ST7: variants seen among roughly 807,000 people sequenced by gnomAD.
ST7 encodes the protein suppression of tumorigenicity 7, also known as suppressor of tumorigenicity 7 protein.
Under a neutral mutation model 78.7 loss-of-function variants are expected in ST7, and 28 were observed. The ratio of observed to expected loss-of-function variants is 0.36; its 90% CI spans 0.26 to 0.49. The LOEUF is 0.49. Among genes scored for constraint, ST7 ranks in the 20% least tolerant of loss-of-function variants. The pLI is 0.99. For synonymous variants in ST7, 247 were observed against 249.6 expected, an observed-to-expected ratio of 0.99 and a Z score of 0.10; for missense variants, 418 against 696.0, an observed-to-expected ratio of 0.60 and a Z score of 4.49.
chr7:117,189,233 A>C, intron 10 of ST7, 88 bp from the exon 11 acceptor site: 1 of 837,914 alleles, frequency 1.2e-6, no homozygotes, highest in East Asian at 2.7e-5. Context: ...TATTGCACTT[A>C]AACGTGATTA....
At chr7:117,005,274 G>A (rs1045146362) in intron 1 of ST7, among the ~76,000 whole-genome samples, 1 of 151,712 alleles carries the variant, frequency 6.6e-6, no homozygotes, top group Non-Finnish European at 1.5e-5. Flanking sequence ...CTTGTGACTT[G>A]TGAGAACAAA....
intron 1 of ST7, chr7:116,954,070 C>A (rs1224321624): frequency 6.6e-6 from 1 of 151,866 alleles, no homozygotes; most frequent in East Asian, 1.9e-4. Context: ...CCGAGGGTTC[C>A]CCGGAGTTAG....
At chr7:117,099,220 C>T (rs745375436) in intron 1 of ST7, among the ~76,000 whole-genome samples, 1 of 151,958 alleles carries the variant, frequency 6.6e-6, no homozygotes, top group Non-Finnish European at 1.5e-5. Context: ...CATACACTGG[C>T]CAAAACCACA....
At chr7:116,983,322 A>G (rs1794043100) in intron 1 of ST7, among the ~76,000 whole-genome samples, 1 of 152,186 alleles carries the variant, frequency 6.6e-6, no homozygotes, top group Non-Finnish European at 1.5e-5. Context: ...TTTCCTGAAA[A>G]TCAGAAATGT....
chr7:117,085,745 A>C (rs917523225), intron 1 of ST7, among the ~76,000 whole-genome samples: 1 of 152,144 alleles, frequency 6.6e-6, no homozygotes, highest in Non-Finnish European at 1.5e-5. Flanking sequence ...CCCGATTTTT[A>C]TGTAGAAAGT....
intron 1 of ST7, among the ~76,000 whole-genome samples, chr7:117,026,884 G>A (rs1435149227): frequency 2.0e-5 from 3 of 152,294 alleles, no homozygotes; most frequent in African/African-American, 7.2e-5. Context: ...TTGTATGATG[G>A]GAATATTTTA....
chr7:117,065,575 G>A (rs1364734275), intron 1 of ST7, among the ~76,000 whole-genome samples: 2 of 152,140 alleles, frequency 1.3e-5, no homozygotes, highest in African/African-American at 4.8e-5. Context: ...AGTGCAGGCT[G>A]CATATATAGA....
intron 1 of ST7, among the ~76,000 whole-genome samples, chr7:117,047,260 A>G (rs770818149): frequency 1.1e-4 from 17 of 152,194 alleles, no homozygotes; most frequent in African/African-American, 2.4e-5. Context: ...TATAAGTTGA[A>G]AATGTTAAAC....
intron 1 of ST7, among the ~76,000 whole-genome samples, chr7:117,087,951 C>T (rs1379161211): frequency 1.3e-5 from 2 of 152,210 alleles, no homozygotes; most frequent in African/African-American, 4.8e-5. Context: ...TGTCACATCT[C>T]TGGTTATGAA....
At chr7:117,189,251 A>C in intron 10 of ST7, 70 bp from the exon 11 acceptor site, 1 of 991,382 alleles carries the variant, frequency 1.0e-6, no homozygotes, top group East Asian at 2.5e-5. Flanking sequence ...TTAAAATGCT[A>C]GTGTATTGAA....
At chr7:117,046,930 T>A (rs891081590) in intron 1 of ST7, among the ~76,000 whole-genome samples, 2 of 152,204 alleles carry the variant, frequency 1.3e-5, no homozygotes, top group African/African-American at 4.8e-5. Flanking sequence ...TCTGAGCCTC[T>A]TCTTCATCTA....
At chr7:117,110,953 A>C (rs1802383580) in intron 2 of ST7, among the ~76,000 whole-genome samples, 2 of 152,170 alleles carry the variant, frequency 1.3e-5, no homozygotes, top group Non-Finnish European at 2.9e-5. Flanking sequence ...GACTGATAGG[A>C]AACTTTGAGC....
At chr7:117,199,868 G>T (rs1810656159) in intron 12 of ST7, among the ~76,000 whole-genome samples, 1 of 152,220 alleles carries the variant, frequency 6.6e-6, no homozygotes, top group Non-Finnish European at 1.5e-5. Context: ...ACTCCTGGAA[G>T]CCAGATCCCG....
At chr7:117,002,760 T>G (rs1429558514) in intron 1 of ST7, among the ~76,000 whole-genome samples, 1 of 151,634 alleles carries the variant, frequency 6.6e-6, no homozygotes, top group Non-Finnish European at 1.5e-5. Context: ...CTGTTTATGA[T>G]TTTATATGAT....
At chr7:117,164,155 G>A (rs957297083) in intron 9 of ST7, among the ~76,000 whole-genome samples, 18 of 152,190 alleles carry the variant, frequency 1.2e-4, no homozygotes, top group African/African-American at 7.2e-5. Context: ...CACACAAACC[G>A]ATGGAACAGA....
At chr7:117,079,030 C>T (rs1799559249) in intron 1 of ST7, among the ~76,000 whole-genome samples, 1 of 152,128 alleles carries the variant, frequency 6.6e-6, no homozygotes, top group African/African-American at 2.4e-5. Context: ...CCCCAAGAAT[C>T]TGCAGATTCC....
intron 9 of ST7, among the ~76,000 whole-genome samples, chr7:117,155,015 G>T (rs903981621): frequency 1.3e-5 from 2 of 152,166 alleles, no homozygotes; most frequent in Non-Finnish European, 2.9e-5. Context: ...CCAGCATGGG[G>T]AGGGGAGACA....
chr7:117,004,563 A>T (rs896512941), intron 1 of ST7, among the ~76,000 whole-genome samples: 1 of 152,190 alleles, frequency 6.6e-6, no homozygotes, highest in Admixed American at 6.5e-5. Flanking sequence ...TGGGAGGCTG[A>T]GACCAGAGAA....
intron 1 of ST7, among the ~76,000 whole-genome samples, chr7:117,016,021 AT>A (rs1795598529): frequency 6.6e-6 from 1 of 152,218 alleles, no homozygotes; most frequent in Non-Finnish European, 1.5e-5. Flanking sequence ...GTTTTGTGAA[AT>A]TGCTCATTTA....
Sources: allele counts gnomAD v4.1 joint callset (sites outside exome capture counted in the v4.1 genomes callset), GRCh38; gene constraint gnomAD v4.1.1; transcripts MANE v1.5; gene names NCBI Gene and HGNC (gene_info 2026-07-23, HGNC 2026-07-21).